ASTN1: variants seen among roughly 807,000 people sequenced by gnomAD.
ASTN1 encodes astrotactin 1.
Under a neutral mutation model 140.7 loss-of-function variants are expected in ASTN1, and 41 were observed. The ratio of observed to expected loss-of-function variants is 0.29; its 90% CI spans 0.23 to 0.38. ASTN1 has a LOEUF of 0.38. ASTN1 is among the 10% of genes least tolerant of loss of function. The probability of loss-of-function intolerance (pLI) is 1.00; values close to 1 mark genes in which losing one functional copy is unlikely to be tolerated. For missense variants in ASTN1, 1,479 were observed against 1,678.8 expected, an observed-to-expected ratio of 0.88 and a Z score of 2.08; for synonymous variants, 640 against 652.2, an observed-to-expected ratio of 0.98 and a Z score of 0.29.
chr1:177,117,450 T>G (rs950204520), intron 1 of ASTN1, among the ~76,000 whole-genome samples: 5 of 152,018 alleles, frequency 3.3e-5, no homozygotes, highest in Non-Finnish European at 5.9e-5. Context: ...GAGAATCTAC[T>G]GCGTGCCAGG....
intron 8 of ASTN1, among the ~76,000 whole-genome samples, chr1:177,001,217 T>C (rs555853599): frequency 6.6e-6 from 1 of 152,358 alleles, no homozygotes; most frequent in South Asian, 2.1e-4. Context: ...TATTAAGGTA[T>C]GACAGTGCAA....
chr1:177,163,125 C>T (rs1647484503), intron 1 of ASTN1, among the ~76,000 whole-genome samples: 1 of 152,138 alleles, frequency 6.6e-6, no homozygotes, highest in South Asian at 2.1e-4. Flanking sequence ...GTTAGAATTC[C>T]ACATGTGGCT....
At chr1:177,054,580 G>A (rs1677706136) in intron 2 of ASTN1, among the ~76,000 whole-genome samples, 1 of 152,182 alleles carries the variant, frequency 6.6e-6, no homozygotes, top group Admixed American at 6.5e-5. Flanking sequence ...TCACCTGTGG[G>A]ATAACCTGAT....
chr1:176,886,571 C>G (rs10913269), intron 18 of ASTN1, among the ~76,000 whole-genome samples: 23,729 of 152,218 alleles, frequency 0.16, 2,483 homozygotes, highest in Middle Eastern at 0.24. Flanking sequence ...GTATCTACAG[C>G]CAAAGGCTGT....
At chr1:176,965,833 G>A (rs1245940068) in intron 8 of ASTN1, among the ~76,000 whole-genome samples, 2 of 152,140 alleles carry the variant, frequency 1.3e-5, no homozygotes, top group African/African-American at 4.8e-5. Flanking sequence ...AGGATTCTGG[G>A]TCTTTGATAG....
intron 1 of ASTN1, among the ~76,000 whole-genome samples, chr1:177,137,624 T>A (rs1288488691): frequency 6.6e-6 from 1 of 152,188 alleles, no homozygotes. Flanking sequence ...GAGGTGGAGC[T>A]AATTCACAAA....
In ASTN1 at chr1:177,129,103, C is replaced by T. The variant is rs74127300; in HGVS notation, c.283+35291G>A. Among the ~76,000 whole-genome samples, 377 of 152,180 alleles carry T rather than the reference C, an allele frequency of 2.5e-3. 4 individuals are homozygous for T. The highest frequency in any genetic ancestry group is 8.9e-3 in the African/African-American group (369 of 41,508). On this transcript the variant is annotated intron_variant, in intron 1 of 22. Transcript: ENST00000361833. ...AACCAGACTGATAGATGAAAGAAAC[C>T]AGACCACATTTCACCATATAGTGGA...
At chr1:177,023,685 C>T (rs1675948310) in intron 6 of ASTN1, 114 bp from the exon 7 acceptor site, 1 of 1,175,056 alleles carries the variant, frequency 8.5e-7, no homozygotes. Flanking sequence ...GAGATCCTAA[C>T]TCTCACCATT....
chr1:176,859,068 T>C (rs1239800283), downstream of ASTN1, among the ~76,000 whole-genome samples: 1 of 152,218 alleles, frequency 6.6e-6, no homozygotes, highest in South Asian at 2.1e-4. Flanking sequence ...ATAATAAGTA[T>C]GGGGTATGCA....
At chr1:176,942,842 ATATATATATAT>A (rs1671790404) in intron 14 of ASTN1, among the ~76,000 whole-genome samples, 1 of 74,326 alleles carries the variant, frequency 1.3e-5, no homozygotes, top group Non-Finnish European at 2.9e-5. Context: ...ATATGTATAT[ATATATATATAT>A]ATATATATAT....
At chr1:176,871,760 A>G (rs1557924454) in intron 21 of ASTN1, among the ~76,000 whole-genome samples, 1 of 152,242 alleles carries the variant, frequency 6.6e-6, no homozygotes, top group African/African-American at 2.4e-5. Context: ...TAGCATCTCA[A>G]GAATTCACTA....
At chr1:177,044,813 T>G (rs1300830075) in intron 2 of ASTN1, among the ~76,000 whole-genome samples, 1 of 152,220 alleles carries the variant, frequency 6.6e-6, no homozygotes, top group Non-Finnish European at 1.5e-5. Flanking sequence ...CCAGCCAATC[T>G]GCAACATCAT....
At chr1:176,934,033 T>G in intron 16 of ASTN1, 119 bp downstream of exon 16, 4 of 1,086,036 alleles carry the variant, frequency 3.7e-6, no homozygotes, top group South Asian at 2.2e-5. Context: ...GCACAGAGCA[T>G]TAGGGGAAAA....
At chr1:176,956,353 C>G (rs548125824) in intron 11 of ASTN1, among the ~76,000 whole-genome samples, 1 of 152,162 alleles carries the variant, frequency 6.6e-6, no homozygotes, top group Non-Finnish European at 1.5e-5. Flanking sequence ...GGCCTTAGGG[C>G]TGGGAGCACT....
chr1:177,132,342 G>A lies in ASTN1; in HGVS notation c.283+32052C>T, dbSNP rs144139413. Among the ~76,000 whole-genome samples the A allele has an allele frequency of 9.8e-3, 1,488 of 152,202 alleles. 18 individuals carry two copies. The highest frequency in any genetic ancestry group is 0.012 in the Non-Finnish European group (822 of 68,012). ...AGTTACTATCTTCAATTTGGACTTC[G>A]TCACCAGTAGAGATGAGTAGGTACC... On this transcript the variant is annotated intron_variant, in intron 1 of 22. Transcript: ENST00000361833.
At chr1:177,134,336 G>T (rs1230174261) in intron 1 of ASTN1, among the ~76,000 whole-genome samples, 2 of 152,128 alleles carry the variant, frequency 1.3e-5, no homozygotes, top group Non-Finnish European at 2.9e-5. Flanking sequence ...TCCATTGCAC[G>T]GGTCTAATCA....
intron 16 of ASTN1, among the ~76,000 whole-genome samples, chr1:176,898,532 T>C (rs910908752): frequency 1.3e-5 from 2 of 152,220 alleles, no homozygotes; most frequent in Non-Finnish European, 2.9e-5. Flanking sequence ...TGGAGTCCAA[T>C]GGTGAAAGCC....
intron 22 of ASTN1, among the ~76,000 whole-genome samples, chr1:176,867,169 G>A (rs1338774393): frequency 1.3e-5 from 2 of 152,156 alleles, no homozygotes; most frequent in Non-Finnish European, 2.9e-5. Flanking sequence ...TCACAAAAGA[G>A]AAATTTTAAA....
chr1:177,073,423 G>C (rs1279738197), intron 1 of ASTN1, among the ~76,000 whole-genome samples: 6 of 151,504 alleles, frequency 4.0e-5, no homozygotes, highest in Admixed American at 4.0e-4. Flanking sequence ...CATCTTCCTT[G>C]GGTTTGAAAA....
Sources: allele counts gnomAD v4.1 joint callset (sites outside exome capture counted in the v4.1 genomes callset), GRCh38; gene constraint gnomAD v4.1.1; transcripts MANE v1.5; gene names NCBI Gene and HGNC (gene_info 2026-07-23, HGNC 2026-07-21).